The following ADAMTS12 variants were observed in gnomAD, a reference collection of about 807,000 sequenced individuals.
The protein encoded by ADAMTS12 is A disintegrin and metalloproteinase with thrombospondin motifs 12.
A neutral mutation model predicts 167.8 loss-of-function variants in ADAMTS12; 118 were observed. The ratio of observed to expected loss-of-function variants is 0.70; its 90% CI spans 0.61 to 0.82. The LOEUF is 0.82. Ranked by LOEUF, ADAMTS12 falls within the 40% of genes least tolerant of loss-of-function variation. The probability of loss-of-function intolerance (pLI) is 0.00; values close to 1 mark genes in which losing one functional copy is unlikely to be tolerated. For synonymous variants in ADAMTS12, 704 were observed against 716.9 expected (o/e 0.98, Z 0.29); for missense variants, 1,916 against 1,998.8 (o/e 0.96, Z 0.79).
At chr5:33,860,482 T>A (rs2111688784) in intron 2 of ADAMTS12, among the ~76,000 whole-genome samples, 1 of 152,168 alleles carries the variant, frequency 6.6e-6, no homozygotes, top group African/African-American at 2.4e-5. Context: ...TGGAAAAGAA[T>A]GAACAAAGCC....
At chr5:33,890,971 G>A (rs1375371976) in intron 1 of ADAMTS12, among the ~76,000 whole-genome samples, 1 of 152,064 alleles carries the variant, frequency 6.6e-6, no homozygotes, top group Non-Finnish European at 1.5e-5. Context: ...TACCCCCAGA[G>A]GTACAATGAA....
Position 33,637,755 on chromosome 5 carries a change from G to T in ADAMTS12, c.1719-9C>A. 2 of 1,611,508 alleles carry T rather than the reference G, an allele frequency of 1.2e-6. No homozygotes were observed. The highest frequency in any genetic ancestry group is 2.2e-5 in the South Asian group (2 of 90,742). ...TCCCTCCAAACTTTGGCCTGCAAATGAAACAGACAAGCTTTTCTTTTAGTT... is the reference window on the plus strand; with the variant it reads ...TCCCTCCAAACTTTGGCCTGCAAATTAAACAGACAAGCTTTTCTTTTAGTT... On this transcript the variant is annotated splice_polypyrimidine_tract_variant and intron_variant, in intron 11 of 23. Transcript: ENST00000504830.
intron 13 of ADAMTS12, among the ~76,000 whole-genome samples, chr5:33,628,708 C>A (rs4866349): frequency 0.35 from 52,426 of 151,694 alleles, 10,156 homozygotes; most frequent in African/African-American, 0.54. Context: ...AGGAGAGTAA[C>A]AATAAGACTA....
intron 2 of ADAMTS12, among the ~76,000 whole-genome samples, chr5:33,872,312 A>G (rs13435964): frequency 0.021 from 3,241 of 152,180 alleles, 113 homozygotes; most frequent in African/African-American, 0.074. Flanking sequence ...TTGGGAGGCC[A>G]AGGCAGGTGG....
intron 13 of ADAMTS12, among the ~76,000 whole-genome samples, chr5:33,626,597 ATGG>A (rs1187819267): frequency 1.6e-5 from 2 of 124,106 alleles, no homozygotes; most frequent in Non-Finnish European, 3.4e-5. Flanking sequence ...AATGGTAATG[ATGG>A]TGGTGGTGGT....
chr5:33,549,148 C>CA, intron 21 of ADAMTS12, 59 bp downstream of exon 21: 1 of 1,573,882 alleles, frequency 6.4e-7, no homozygotes, highest in South Asian at 1.2e-5. Context: ...TGCAGTAACA[C>CA]AGAGATTCAT....
intron 11 of ADAMTS12, 147 bp from the exon 12 acceptor site, chr5:33,637,893 C>T (rs1445786106): frequency 8.5e-6 from 7 of 826,408 alleles, no homozygotes; most frequent in Non-Finnish European, 1.3e-5. Context: ...AAATTTTACA[C>T]ATTTTTTCCT....
At chr5:33,712,815 C>A (rs1743451397) in intron 3 of ADAMTS12, among the ~76,000 whole-genome samples, 1 of 152,060 alleles carries the variant, frequency 6.6e-6, no homozygotes, top group Admixed American at 6.6e-5. Context: ...TGCTGTCCTC[C>A]TGAACACTGG....
intron 3 of ADAMTS12, among the ~76,000 whole-genome samples, chr5:33,728,126 A>G (rs1175326584): frequency 2.0e-5 from 3 of 152,174 alleles, no homozygotes; most frequent in African/African-American, 7.2e-5. Context: ...GGACATCCTC[A>G]TCTTCCTTCC....
intron 14 of ADAMTS12, among the ~76,000 whole-genome samples, chr5:33,619,751 G>A (rs1380444162): frequency 6.6e-6 from 1 of 152,122 alleles, no homozygotes; most frequent in African/African-American, 2.4e-5. Flanking sequence ...CTGGAGTGCA[G>A]TGGTGCGATC....
intron 3 of ADAMTS12, among the ~76,000 whole-genome samples, chr5:33,725,897 A>C (rs1005511896): frequency 6.6e-6 from 1 of 152,234 alleles, no homozygotes; most frequent in Non-Finnish European, 1.5e-5. Flanking sequence ...AAAATCTGCA[A>C]CTTAACAAAT....
At chr5:33,592,323 G>A (rs1443226752) in intron 17 of ADAMTS12, among the ~76,000 whole-genome samples, 1 of 152,162 alleles carries the variant, frequency 6.6e-6, no homozygotes, top group East Asian at 1.9e-4. Flanking sequence ...TAGCGTTGAG[G>A]TTGAGAAACC....
intron 20 of ADAMTS12, among the ~76,000 whole-genome samples, chr5:33,552,532 C>T (rs934447154): frequency 5.3e-5 from 8 of 152,320 alleles, no homozygotes; most frequent in Admixed American, 1.3e-4. Context: ...AATTGGGATA[C>T]GGAAGGAATT....
intron 2 of ADAMTS12, among the ~76,000 whole-genome samples, chr5:33,789,553 A>T (rs1344245656): frequency 2.6e-5 from 4 of 152,158 alleles, no homozygotes; most frequent in Non-Finnish European, 5.9e-5. Flanking sequence ...AGAAGCTAAT[A>T]ACCCTGCCCA....
intron 2 of ADAMTS12, among the ~76,000 whole-genome samples, chr5:33,815,167 G>C (rs1747600504): frequency 6.6e-6 from 1 of 152,190 alleles, no homozygotes; most frequent in Non-Finnish European, 1.5e-5. Flanking sequence ...ACTTTTGCAG[G>C]CTAGCATCTC....
chr5:33,567,933 C>T (rs1579676995), intron 19 of ADAMTS12, among the ~76,000 whole-genome samples: 1 of 152,210 alleles, frequency 6.6e-6, no homozygotes, highest in East Asian at 1.9e-4. Context: ...GAGTTCAAGT[C>T]CCCGTAGCTC....
chr5:33,806,412 A>G (rs1400789326), intron 2 of ADAMTS12, among the ~76,000 whole-genome samples: 2 of 152,336 alleles, frequency 1.3e-5, no homozygotes. Flanking sequence ...TTTCAATACC[A>G]GTCTGTGGAA....
In ADAMTS12 at chr5:33,553,876, T is replaced by A. The variant is rs543962203; in HGVS notation, c.4126-4493A>T. ...CCCTGAACTTAAAAGTTAAAAAAAA[T>A]TTATTCCAAAAATTCTAAGCAGAAC... On this transcript the variant is annotated intron_variant, in intron 20 of 23. Transcript: ENST00000504830. Among the ~76,000 whole-genome samples, 148 of 152,214 alleles carry A rather than the reference T, an allele frequency of 9.7e-4. 2 individuals carry two copies. The South Asian group carries it at 0.02, about 20-fold the overall frequency.
intron 18 of ADAMTS12, among the ~76,000 whole-genome samples, chr5:33,586,217 TA>T (rs1172270832): frequency 6.6e-6 from 1 of 152,120 alleles, no homozygotes; most frequent in Non-Finnish European, 1.5e-5. Context: ...CACCTCTCTT[TA>T]AAAAAAGTAT....
Sources: gnomAD v4.1 joint callset for allele counts (sites outside exome capture counted in the v4.1 genomes callset) on GRCh38, gnomAD v4.1.1 for gene constraint, MANE v1.5 for transcripts, NCBI Gene and HGNC (gene_info 2026-07-23, HGNC 2026-07-21) for gene names.